Variants in CCNH observed in about 807,000 individuals in gnomAD.
CCNH encodes cyclin H.
CCNH carries 31 observed loss-of-function variants against 41.9 expected under a neutral mutation model. The observed-to-expected ratio is 0.74, with a 90% CI of 0.56 to 1.00. CCNH has a LOEUF of 1.00. Ranked by LOEUF, CCNH falls within the 50% of genes least tolerant of loss-of-function variation. CCNH has a pLI of 0.00. For missense variants in CCNH, 362 were observed against 388.4 expected (o/e 0.93, Z 0.57); for synonymous variants, 138 against 136.1 (o/e 1.01, Z -0.10).
chr5:87,376,075 G>A (rs893769151), downstream of CCNH, among the ~76,000 whole-genome samples: 5 of 151,942 alleles, frequency 3.3e-5, no homozygotes, highest in Admixed American at 2.0e-4. Flanking sequence ...CTCTGTACTC[G>A]AATAGCATTC....
At chr5:87,351,401 A>G (rs1009495777) in intron 9 of CCNH, among the ~76,000 whole-genome samples, 11 of 151,784 alleles carry the variant, frequency 7.2e-5, no homozygotes, top group African/African-American at 2.7e-4. Flanking sequence ...GAATCAATAA[A>G]TGAGAGTTCA....
At chr5:87,343,389 C>CT (rs1758619759) in intron 9 of CCNH, among the ~76,000 whole-genome samples, 1 of 152,112 alleles carries the variant, frequency 6.6e-6, no homozygotes, top group African/African-American at 2.4e-5. Context: ...TCATCAAATC[C>CT]TTTTTTCCAG....
Position 87,331,419 on chromosome 5 carries a change from A to G in CCNH, c.*91-12522T>C. The G allele has an allele frequency of 1.2e-6, 2 of 1,613,840 alleles. No individual in the cohort carries two copies. The highest frequency in any genetic ancestry group is 1.7e-6 in the Non-Finnish European group (2 of 1,179,762). ...AGGCAGGCAGGGAAGTCTGGCAGTTATCTTATAAGAGAGAGTGATCGGAGG... is the reference window on the plus strand; with the variant it reads ...AGGCAGGCAGGGAAGTCTGGCAGTTGTCTTATAAGAGAGAGTGATCGGAGG... On this transcript the variant is annotated intron_variant and NMD_transcript_variant, in intron 9 of 9. Transcript: ENST00000645953.
intron 9 of CCNH, chr5:87,346,661 C>A (rs748571626): frequency 6.6e-7 from 1 of 1,513,160 alleles, no homozygotes; most frequent in Non-Finnish European, 9.2e-7. Context: ...CTAATTTATT[C>A]TCTTTTTAAG....
At chr5:87,323,673 G>A (rs1212100542) in intron 9 of CCNH, among the ~76,000 whole-genome samples, 1 of 151,320 alleles carries the variant, frequency 6.6e-6, no homozygotes, top group Non-Finnish European at 1.5e-5. Flanking sequence ...TGTAAAGAAT[G>A]TTTAGGGTAT....
chr5:87,332,740 G>T (rs1369628288), intron 9 of CCNH: 2 of 1,230,896 alleles, frequency 1.6e-6, no homozygotes, highest in Non-Finnish European at 2.3e-6. Context: ...TATAATTCAA[G>T]AAGTATTTGT....
chr5:87,376,275 C>T, exon 1 of CCNH: 3 of 1,191,972 alleles, frequency 2.5e-6, no homozygotes, highest in Admixed American at 4.2e-5. Context: ...TTACTGAAAA[C>T]TCCTTTAATG....
intron 9 of CCNH, among the ~76,000 whole-genome samples, chr5:87,353,604 G>A (rs1293936789): frequency 6.6e-6 from 1 of 151,886 alleles, no homozygotes; most frequent in Non-Finnish European, 1.5e-5. Flanking sequence ...GAGGATTAGG[G>A]CAAAAAATGG....
In CCNH at chr5:87,401,778, A is replaced by T. The variant is rs777089189; in HGVS notation, c.690-6T>A. ...TCAGACTCTCTGATAAATAACTAGT[A>T]AAGAAAAGAAAAAAAAATCTATTGA... On this transcript the variant is annotated splice_polypyrimidine_tract_variant and splice_region_variant and intron_variant, in intron 5 of 8. Coordinates refer to ENST00000256897, the MANE Select transcript of CCNH (RefSeq NM_001239.4). The T allele has an allele frequency of 2.6e-6, 4 of 1,528,196 alleles. No homozygotes were observed. The highest frequency in any genetic ancestry group is 3.5e-6 in the Non-Finnish European group (4 of 1,132,010). The allele number at this position is 1,528,196 out of a possible 1,614,324, so 94.7% of individuals were successfully genotyped here.
At chr5:87,312,090 A>G in the CCNH span, among the ~76,000 whole-genome samples, 1 of 152,262 alleles carries the variant, frequency 6.6e-6, no homozygotes, top group African/African-American at 2.4e-5. Context: ...TATTTTTCAG[A>G]TGATCACTGC....
In CCNH at chr5:87,322,221, G is replaced by T. The variant is rs559694325; in HGVS notation, c.*91-3324C>A. On this transcript the variant is annotated intron_variant and NMD_transcript_variant, in intron 9 of 9. Coordinates refer to the CCNH transcript ENST00000645953. ...ACCTGTCTATGGCCTGTTAGGAGCTGGGCCACACAGCAGGAGGTGTGAGCC... is the reference window on the plus strand; with the variant it reads ...ACCTGTCTATGGCCTGTTAGGAGCTTGGCCACACAGCAGGAGGTGTGAGCC... 2.6e-5 allele frequency among the ~76,000 whole-genome samples: 4 copies of T among 152,212 alleles called. No individual in the cohort carries two copies. The South Asian group carries it at 8.3e-4, about 32-fold the overall frequency.
In CCNH at chr5:87,376,931, T is replaced by C. The variant is rs2112492112; in HGVS notation, n.250A>G. 2 of 1,610,728 alleles carry C rather than the reference T, an allele frequency of 1.2e-6. No homozygotes were observed. Among genetic ancestry groups the C allele is most frequent in the Non-Finnish European group, 1.7e-6 (2 of 1,176,870 alleles). ...TAGTCTATGCTTTATCACATGTATG[T>C]GGACAAGACCGAACACTACTGGCCA... On this transcript the variant is annotated non_coding_transcript_exon_variant, in exon 1 of 1. Coordinates refer to the CCNH transcript ENST00000607486.
At chr5:87,391,726 ATTTGTGCTACCCCT>A (rs973895382), downstream of CCNH, 1 of 231,824 alleles carries the variant, frequency 4.3e-6, no homozygotes, top group African/African-American at 2.2e-5. Context: ...TTTGTTCATT[ATTTGTGCTACCCCT>A]TTGATTATGC....
At chr5:87,321,513 T>G (rs1756804561) in intron 9 of CCNH, among the ~76,000 whole-genome samples, 1 of 152,228 alleles carries the variant, frequency 6.6e-6, no homozygotes, top group Admixed American at 6.5e-5. Flanking sequence ...CAACCCCCTC[T>G]TTGGGTTGGA....
chr5:87,340,713 T>TC (rs1758369801), intron 9 of CCNH, among the ~76,000 whole-genome samples: 2 of 152,140 alleles, frequency 1.3e-5, no homozygotes, highest in African/African-American at 2.4e-5. Context: ...GAGGTAGCAT[T>TC]TGAGATAGTT....
intron 9 of CCNH, among the ~76,000 whole-genome samples, chr5:87,355,202 T>A (rs1365775039): frequency 6.6e-6 from 1 of 152,162 alleles, no homozygotes; most frequent in Non-Finnish European, 1.5e-5. Flanking sequence ...AAAACATCCT[T>A]CTATCTGAAA....
rs537249777 is a variant in CCNH, at chr5:87,370,044, T to A, written c.*90+22726A>T. On this transcript the variant is annotated intron_variant and NMD_transcript_variant, in intron 9 of 9. Transcript: ENST00000645953. ...ATCTCTTATTTTAAGGAATGAGATT[T>A]CATATGTAAAAAGTTTTCTGAAAGA... The A allele has an allele frequency of 7.3e-5, 57 of 783,868 alleles. No homozygotes were observed. The South Asian group carries it at 1.0e-3, about 14-fold the overall frequency. The allele number at this position is 783,868 out of a possible 1,614,324, so 48.6% of individuals were successfully genotyped here.
chr5:87,393,666 T>G (rs1486017490), downstream of CCNH: 1 of 152,174 alleles, frequency 6.6e-6, no homozygotes, highest in Non-Finnish European at 1.5e-5. Flanking sequence ...TTATAGGATC[T>G]AATAGGTTAA....
upstream of CCNH, among the ~76,000 whole-genome samples, chr5:87,380,350 C>T (rs780041031): frequency 6.6e-6 from 1 of 152,038 alleles, no homozygotes; most frequent in African/African-American, 2.4e-5. Flanking sequence ...TTTCCTTACC[C>T]CTTGCTAAAT....
Sources: allele counts gnomAD v4.1 joint callset (sites outside exome capture counted in the v4.1 genomes callset), GRCh38; gene constraint gnomAD v4.1.1; transcripts MANE v1.5; gene names NCBI Gene and HGNC (gene_info 2026-07-23, HGNC 2026-07-21).